The following BRIP1 variants were observed in gnomAD, a reference collection of about 807,000 sequenced individuals.
BRIP1 encodes the protein BRCA1 interacting DNA helicase 1.
A neutral mutation model predicts 119.7 loss-of-function variants in BRIP1; 88 were observed. That is an observed-to-expected ratio of 0.74 (90% CI 0.62 to 0.88). BRIP1 has a LOEUF of 0.88. Ranked by LOEUF, BRIP1 falls within the 40% of genes least tolerant of loss-of-function variation. BRIP1 has a pLI of 0.00. For missense variants in BRIP1, 1,259 were observed against 1,455.4 expected, an observed-to-expected ratio of 0.87 and a Z score of 2.20; for synonymous variants, 443 against 496.5, an observed-to-expected ratio of 0.89 and a Z score of 1.43.
rs1465648396 is a variant in BRIP1, at chr17:61,775,739, C to T, written c.2097+662G>A. On this transcript the variant is annotated intron_variant, in intron 14 of 19. Coordinates refer to ENST00000259008, the MANE Select transcript of BRIP1 (RefSeq NM_032043.3). This position sits in a 1 kb window ranked among gnomAD's most constrained non-coding sequence, Gnocchi z 4.4. The stretch of plus-strand genomic sequence containing the variant: ...TGGCTTAGATTAACTTTAATGAAAC[C>T]TTCAGAAATGTAATTTATGAAAATA... 6.6e-5 allele frequency: 10 copies of T among 152,218 alleles called. No individual in the cohort carries two copies. The East Asian group carries it at 7.7e-4, about 12-fold the overall frequency. 9.4% of individuals were successfully genotyped at this position (152,218 alleles called of 1,614,324 possible).
Position 61,708,286 on chromosome 17 carries a change from T to C in BRIP1, c.2492+7665A>G, listed in dbSNP as rs537785633. On this transcript the variant is annotated intron_variant, in intron 17 of 19. Coordinates refer to ENST00000259008, the MANE Select transcript of BRIP1 (RefSeq NM_032043.3). The surrounding 1 kb of genome is among the most constrained non-coding windows in gnomAD (Gnocchi z 4.4). ...TCATACATTTAAAAATGCATGCCCT[T>C]CTGAGTTGCATGATAAAAATCTCAT... is the stretch of plus-strand genomic sequence containing the variant. 1.3e-3 allele frequency among the ~76,000 whole-genome samples: 198 copies of C among 152,282 alleles called. No homozygotes were observed. The highest frequency in any genetic ancestry group is 2.1e-3 in the Non-Finnish European group (145 of 68,024).
At chr17:61,821,812 A>G (rs969489348) in intron 6 of BRIP1, among the ~76,000 whole-genome samples, 2 of 151,456 alleles carry the variant, frequency 1.3e-5, no homozygotes, top group Non-Finnish European at 2.9e-5. Context: ...TCAACCCTCA[A>G]CCTCCTCGGC....
chr17:61,779,793 C>CA (rs2077586283), intron 13 of BRIP1, among the ~76,000 whole-genome samples: 1 of 151,678 alleles, frequency 6.6e-6, no homozygotes, highest in Non-Finnish European at 1.5e-5. Context: ...CCATCTCTAC[C>CA]AAAAAAATAA....
At position 61,824,294 on chromosome 17, in the gene BRIP1, T is replaced by C. The variant is rs935128062; in HGVS notation, c.628-15537A>G. Among the ~76,000 whole-genome samples, 2 of 152,198 alleles carry C rather than the reference T, an allele frequency of 1.3e-5. No individual in the cohort carries two copies. Among genetic ancestry groups the C allele is most frequent in the Middle Eastern group, 3.2e-3 (1 of 316 alleles). The stretch of plus-strand genomic sequence containing the variant: ...CTATCAATAACCCAATGAAGTTTCT[T>C]GCAGAAATAGAAAATACCATCCTAA... On this transcript the variant is annotated intron_variant, in intron 6 of 19. Transcript: ENST00000259008. This position sits in a 1 kb window ranked among gnomAD's most constrained non-coding sequence, Gnocchi z 4.3.
chr17:61,845,633 T>C lies in BRIP1; in HGVS notation c.627+1468A>G, dbSNP rs746889465. 2.6e-5 allele frequency among the ~76,000 whole-genome samples: 4 copies of C among 152,192 alleles called. No homozygotes were observed. Among genetic ancestry groups the C allele is most frequent in the Non-Finnish European group, 5.9e-5 (4 of 68,042 alleles). On this transcript the variant is annotated intron_variant, in intron 6 of 19. Coordinates refer to ENST00000259008, the MANE Select transcript of BRIP1 (RefSeq NM_032043.3). The surrounding 1 kb of genome is among the most constrained non-coding windows in gnomAD (Gnocchi z 4.2). ...CTCATTTTATCATAAAGAATTACCA[T>C]GGTTAGTATATCATTCACTCTTTTT... is the stretch of plus-strand genomic sequence containing the variant.
rs895723381 is a variant in BRIP1 at position 61,832,316 on chromosome 17, A to C, written c.627+14785T>G. On this transcript the variant is annotated intron_variant, in intron 6 of 19. Transcript: ENST00000259008. The surrounding 1 kb of genome is among the most constrained non-coding windows in gnomAD (Gnocchi z 5.5). ...AACTCACCGAATAAAATGGAAAATC[A>C]CAAGTCCATAAAGATATAAATAAAA... Among the ~76,000 whole-genome samples the C allele has an allele frequency of 1.3e-5, 2 of 152,230 alleles. No homozygotes were observed. Among genetic ancestry groups the C allele is most frequent in the Non-Finnish European group, 2.9e-5 (2 of 68,032 alleles).
chr17:61,849,265 A>G lies in BRIP1; in HGVS notation c.380-9T>C, dbSNP rs876661141. ...GGTTTTTTCAGGGGAGTCTTATATA[A>G]GTAATTTAAAAAAAACAGCATAAAT... is the stretch of plus-strand genomic sequence containing the variant. On this transcript the variant is annotated splice_polypyrimidine_tract_variant and intron_variant, in intron 4 of 19. Coordinates refer to ENST00000259008, the MANE Select transcript of BRIP1 (RefSeq NM_032043.3). 1.9e-6 allele frequency: 3 copies of G among 1,606,762 alleles called. No individual in the cohort carries two copies. The highest frequency in any genetic ancestry group is 3.4e-5 in the Admixed American group (2 of 59,072).
rs1379143889 is a variant in BRIP1, at chr17:61,717,924, G to A, written c.2380-1861C>T. 6.6e-6 allele frequency among the ~76,000 whole-genome samples: 1 copy of A among 151,894 alleles called. No individual in the cohort carries two copies. Among genetic ancestry groups the A allele is most frequent in the African/African-American group, 2.4e-5 (1 of 41,338 alleles). On this transcript the variant is annotated intron_variant, in intron 16 of 19. Coordinates refer to ENST00000259008, the MANE Select transcript of BRIP1 (RefSeq NM_032043.3). This position sits in a 1 kb window ranked among gnomAD's most constrained non-coding sequence, Gnocchi z 4.1. ...AAGTTCACCAAATTTTCCTTCTGCA[G>A]TGTCTAATCCATCCAGTGTATTTTT...
rs374444043 is a variant in BRIP1, at chr17:61,780,823, T to C, written c.1794+17A>G. The C allele has an allele frequency of 6.2e-7, 1 of 1,612,780 alleles. No homozygotes were observed. The highest frequency in any genetic ancestry group is 8.5e-7 in the Non-Finnish European group (1 of 1,178,876). ...CTGAGCAAGAAGACAAAATTTCCAT[T>C]TACATGATGAGCTTACCACAGCTGG... On this transcript the variant is annotated intron_variant, in intron 12 of 19. Coordinates refer to ENST00000259008, the MANE Select transcript of BRIP1 (RefSeq NM_032043.3). The surrounding 1 kb of genome is among the most constrained non-coding windows in gnomAD (Gnocchi z 5.4).
rs2078837122 is a variant in BRIP1 at position 61,852,546 on chromosome 17, T to C, written c.380-3290A>G. Among the ~76,000 whole-genome samples, 1 of 152,126 alleles carries C rather than the reference T, an allele frequency of 6.6e-6. No individual in the cohort carries two copies. Among genetic ancestry groups the C allele is most frequent in the South Asian group, 2.1e-4 (1 of 4,830 alleles). ...AGCCGGGCGTGGTGGCAGGTGCCTG[T>C]AATCCCAGCTACTCAGGAGGTTGAA... On this transcript the variant is annotated intron_variant, in intron 4 of 19. Transcript: ENST00000259008. The surrounding 1 kb of genome is among the most constrained non-coding windows in gnomAD (Gnocchi z 4.9).
rs929573675 is a variant in BRIP1 at position 61,755,349 on chromosome 17, C to T, written c.2098-10758G>A. Among the ~76,000 whole-genome samples, 1 of 151,984 alleles carries T rather than the reference C, an allele frequency of 6.6e-6. No homozygotes were observed. Among genetic ancestry groups the T allele is most frequent in the Non-Finnish European group, 1.5e-5 (1 of 68,004 alleles). On this transcript the variant is annotated intron_variant, in intron 14 of 19. Coordinates refer to ENST00000259008, the MANE Select transcript of BRIP1 (RefSeq NM_032043.3). This position sits in a 1 kb window ranked among gnomAD's most constrained non-coding sequence, Gnocchi z 4.5. ...CTGAGGCTGGAGGATCACTTGAGCC[C>T]AGGAGTTCAAGACCAGCCTGGGCAA...
chr17:61,793,896 C>T lies in BRIP1; in HGVS notation c.1341-167G>A, dbSNP rs951740716. 6.6e-6 allele frequency among the ~76,000 whole-genome samples: 1 copy of T among 152,094 alleles called. No individual in the cohort carries two copies. Among genetic ancestry groups the T allele is most frequent in the Non-Finnish European group, 1.5e-5 (1 of 68,000 alleles). On this transcript the variant is annotated intron_variant, in intron 9 of 19. Coordinates refer to ENST00000259008, the MANE Select transcript of BRIP1 (RefSeq NM_032043.3). The surrounding 1 kb of genome is among the most constrained non-coding windows in gnomAD (Gnocchi z 5.2). ...CACCTTTTAAAAAGCATTCATGTCT[C>T]ATATTGCAAAATAAACTTTATATAA...
Position 61,683,969 on chromosome 17 carries a change from G to C in BRIP1, c.3077C>G (p.Ser1026Ter). The C allele has an allele frequency of 6.2e-7, 1 of 1,614,132 alleles. No homozygotes were observed. The highest frequency in any genetic ancestry group is 8.5e-7 in the Non-Finnish European group (1 of 1,180,032). The change falls in exon 20 of 20, where the codon TCA (serine) becomes TGA (stop). Residue 1026 changes from serine (S) to a stop codon, truncating the protein, a stop_gained. Coordinates refer to ENST00000259008, the MANE Select transcript of BRIP1 (RefSeq NM_032043.3). LOFTEE classifies it low-confidence loss of function (END_TRUNC). The surrounding 1 kb of genome is among the most constrained non-coding windows in gnomAD (Gnocchi z 4.7). ...IPKATPELGS[S>*]ENSASSPPRF... ...GGGAGGACTAGAGGCACTATTCTCTGATGACCCGAGCTCAGGTGTTGCCTT... is the reference window on the plus strand; with the variant it reads ...GGGAGGACTAGAGGCACTATTCTCTCATGACCCGAGCTCAGGTGTTGCCTT...
chr17:61,731,977 C>CTTTT (rs2076851325), intron 16 of BRIP1, among the ~76,000 whole-genome samples: 1 of 112,448 alleles, frequency 8.9e-6, no homozygotes, highest in East Asian at 2.6e-4. Context: ...TTCTTTCTTT[C>CTTTT]TTTCTTTTTT....
Position 61,693,278 on chromosome 17 carries a change from C to T in BRIP1, c.2575+152G>A. Reference sequence around the variant, plus strand: ...TTCAGTTATGTAAGATTTAAAAGTTCTAGATATCTGCTGTGAAATACTGTG... The same window carrying T: ...TTCAGTTATGTAAGATTTAAAAGTTTTAGATATCTGCTGTGAAATACTGTG... On this transcript the variant is annotated intron_variant, in intron 18 of 19. Transcript: ENST00000259008. This position sits in a 1 kb window ranked among gnomAD's most constrained non-coding sequence, Gnocchi z 4.2. 1 of 729,172 alleles carries T rather than the reference C, an allele frequency of 1.4e-6. No homozygotes were observed. Among genetic ancestry groups the T allele is most frequent in the South Asian group, 1.7e-5 (1 of 57,852 alleles). The allele number at this position is 729,172 out of a possible 1,614,324, so 45.2% of individuals were successfully genotyped here. A position where few individuals can be genotyped will look rare whatever the true frequency, so the allele number is the denominator to read the frequency against.
chr17:61,790,964 C>A (rs1049919815), intron 10 of BRIP1, among the ~76,000 whole-genome samples: 6 of 152,120 alleles, frequency 3.9e-5, no homozygotes, highest in Non-Finnish European at 8.8e-5. Context: ...AAAATGCAAA[C>A]AATTTATGCA....
chr17:61,824,670 C>T lies in BRIP1; in HGVS notation c.628-15913G>A, dbSNP rs1375553198. ...AAAATTAACTCTACATGGATCAAAA[C>T]CTTAAATATAAAAGCTAAAACCATA... On this transcript the variant is annotated intron_variant, in intron 6 of 19. Coordinates refer to ENST00000259008, the MANE Select transcript of BRIP1 (RefSeq NM_032043.3). The surrounding 1 kb of genome is among the most constrained non-coding windows in gnomAD (Gnocchi z 4.3). Among the ~76,000 whole-genome samples the T allele has an allele frequency of 6.6e-6, 1 of 152,096 alleles. No individual in the cohort carries two copies. The highest frequency in any genetic ancestry group is 2.4e-5 in the African/African-American group (1 of 41,408).
At chr17:61,733,369 A>C (rs1030995389) in intron 16 of BRIP1, among the ~76,000 whole-genome samples, 1 of 152,134 alleles carries the variant, frequency 6.6e-6, no homozygotes, top group Non-Finnish European at 1.5e-5. Flanking sequence ...ATTTTTTTTT[A>C]ATTCCAATAC....
At position 61,808,562 on chromosome 17, in the gene BRIP1, T is replaced by C. The variant is rs587781425; in HGVS notation, c.823A>G (p.Ile275Val). ...CAAGTATGATCCCTGCTGGAAAGAA[T>C]AGTCATTGGAACCCCTGAATATGCC... The part of the protein sequence containing the change: ...RTAYSGVPMT[I>V]LSSRDHTCVH... The change falls in exon 7 of 20, where the codon ATT becomes GTT. Residue 275 changes from isoleucine (I) to valine (V), a missense_variant. Transcript: ENST00000259008. The surrounding 1 kb of genome is among the most constrained non-coding windows in gnomAD (Gnocchi z 4.1). The C allele has an allele frequency of 6.2e-6, 10 of 1,613,554 alleles. No homozygotes were observed. The highest frequency in any genetic ancestry group is 3.3e-5 in the Admixed American group (2 of 60,002).
Sources: allele counts gnomAD v4.1 joint callset (sites outside exome capture counted in the v4.1 genomes callset), GRCh38; gene constraint gnomAD v4.1.1; non-coding constraint Gnocchi (gnomAD v3.1); transcripts MANE v1.5; gene names NCBI Gene and HGNC (gene_info 2026-07-23, HGNC 2026-07-21).